PTCHD4: variants seen among roughly 807,000 people sequenced by gnomAD.
PTCHD4 encodes patched domain containing 4, also known as patched domain-containing protein 4.
A neutral mutation model predicts 58.1 loss-of-function variants in PTCHD4; 33 were observed. The ratio of observed to expected loss-of-function variants is 0.57; its 90% confidence interval spans 0.43 to 0.76. PTCHD4 has a LOEUF of 0.76. Among genes scored for constraint, PTCHD4 ranks in the 30% least tolerant of loss-of-function variants. The pLI, the probability that PTCHD4 is intolerant of heterozygous loss-of-function variation, is 0.00. For synonymous variants in PTCHD4, 478 were observed against 409.6 expected, an observed-to-expected ratio of 1.17 and a Z score of -2.02; for missense variants, 1,058 against 1,027.1, an observed-to-expected ratio of 1.03 and a Z score of -0.41.
At chr6:47,982,734 G>A (rs565221332) in intron 4 of PTCHD4, among the ~76,000 whole-genome samples, 1 of 152,112 alleles carries the variant, frequency 6.6e-6, no homozygotes, top group East Asian at 1.9e-4. Flanking sequence ...TGATCCGCCC[G>A]TCTCGGCCTC....
At chr6:48,086,822 A>G (rs1015535980) in intron 1 of PTCHD4, among the ~76,000 whole-genome samples, 2 of 152,190 alleles carry the variant, frequency 1.3e-5, no homozygotes, top group African/African-American at 4.8e-5. Flanking sequence ...TTGAGGCTCT[A>G]TGGTTGCTAT....
chr6:48,012,540 C>G (rs1047686629), intron 3 of PTCHD4, among the ~76,000 whole-genome samples: 1 of 152,196 alleles, frequency 6.6e-6, no homozygotes, highest in African/African-American at 2.4e-5. Context: ...TTGACTTCCT[C>G]TCTTCCTATT....
rs545833104 is a variant in PTCHD4, at chr6:47,863,570, G to A, written c.*14733C>T. Among the ~76,000 whole-genome samples the A allele has an allele frequency of 6.6e-6, 1 of 152,010 alleles. No homozygotes were observed. Among genetic ancestry groups the A allele is most frequent in the East Asian group, 1.9e-4 (1 of 5,150 alleles). On this transcript the variant is annotated 3_prime_UTR_variant, in exon 5 of 5. Transcript: ENST00000339488. ...CAGAGAAACAAGTATTTTTAGTATA[G>A]TAGATTCCAAATATTGCATGAAACA...
At chr6:48,054,792 A>AT (rs1336186076) in intron 3 of PTCHD4, among the ~76,000 whole-genome samples, 1 of 152,158 alleles carries the variant, frequency 6.6e-6, no homozygotes, top group Admixed American at 6.5e-5. Context: ...GCTGGAAATA[A>AT]TTTTTTTATA....
intron 3 of PTCHD4, among the ~76,000 whole-genome samples, chr6:48,024,372 G>C (rs140127289): frequency 2.3e-3 from 345 of 152,176 alleles, no homozygotes; most frequent in African/African-American, 7.8e-3. Context: ...TTCCAGTCCA[G>C]GAGGTTCCAC....
chr6:48,084,735 CTTTTTT>C (rs537327491), intron 1 of PTCHD4, among the ~76,000 whole-genome samples: 1 of 137,926 alleles, frequency 7.3e-6, no homozygotes, highest in Non-Finnish European at 1.6e-5. Context: ...TTCTTTCTTT[CTTTTTT>C]TTTTTTTTTT....
rs150373074 is a variant in PTCHD4, at chr6:48,065,412, G to A, written c.417+2818C>T. 7.2e-5 allele frequency among the ~76,000 whole-genome samples: 11 copies of A among 152,098 alleles called. No individual in the cohort carries two copies. In the East Asian group the frequency reaches 2.1e-3, roughly 29 times the overall value. On this transcript the variant is annotated intron_variant, in intron 3 of 4. Transcript: ENST00000339488. Reference sequence around the variant, plus strand: ...CAGGAGAAAGCAAAATGAATTTGAGGGCTAAAAAAATACATATAAAAATTT... The same window carrying A: ...CAGGAGAAAGCAAAATGAATTTGAGAGCTAAAAAAATACATATAAAAATTT...
At position 48,106,119 on chromosome 6, in the gene PTCHD4, G is replaced by C. The variant is rs568068710; in HGVS notation, c.-970+4930C>G. ...CATTTTATGAGGCCAGCATCATCCT[G>C]ATACCAAAGCCGGGCAGAGACGCAA... On this transcript the variant is annotated intron_variant, in intron 1 of 4. Transcript: ENST00000339488. Among the ~76,000 whole-genome samples the C allele has an allele frequency of 1.3e-5, 2 of 152,282 alleles. 1 individual carries two copies. The highest frequency in any genetic ancestry group is 4.2e-4 in the South Asian group (2 of 4,818).
At chr6:48,110,775 T>TA (rs1370812033) in intron 1 of PTCHD4, among the ~76,000 whole-genome samples, 2 of 142,100 alleles carry the variant, frequency 1.4e-5, no homozygotes, top group Non-Finnish European at 3.1e-5. Flanking sequence ...ATCTTTTCTA[T>TA]TTTATATATA....
chr6:47,883,898 C>T (rs1471015694), intron 4 of PTCHD4, among the ~76,000 whole-genome samples: 1 of 152,158 alleles, frequency 6.6e-6, no homozygotes, highest in Admixed American at 6.6e-5. Flanking sequence ...AATATACTCA[C>T]TCATACACAC....
intron 1 of PTCHD4, among the ~76,000 whole-genome samples, chr6:48,087,116 C>T (rs1415265224): frequency 1.3e-5 from 2 of 152,172 alleles, no homozygotes; most frequent in Non-Finnish European, 2.9e-5. Flanking sequence ...TTTTCTATGC[C>T]TATGTCTTTG....
chr6:47,859,132 C>A lies in PTCHD4; in HGVS notation c.*19171G>T, dbSNP rs1251838588. 1.3e-5 allele frequency among the ~76,000 whole-genome samples: 2 copies of A among 152,050 alleles called. No homozygotes were observed. Among genetic ancestry groups the A allele is most frequent in the Non-Finnish European group, 2.9e-5 (2 of 67,958 alleles). On this transcript the variant is annotated 3_prime_UTR_variant, in exon 5 of 5. Coordinates refer to ENST00000339488, the MANE Select transcript of PTCHD4 (RefSeq NM_001384253.1). Reference sequence around the variant, plus strand: ...TTGTGTATTTGTGTGCATACTCTTACAATTCCAGCTGAAAATGGCTTGGGG... The same window carrying A: ...TTGTGTATTTGTGTGCATACTCTTAAAATTCCAGCTGAAAATGGCTTGGGG...
intron 3 of PTCHD4, among the ~76,000 whole-genome samples, chr6:48,027,148 A>T (rs1763277525): frequency 6.6e-6 from 1 of 152,142 alleles, no homozygotes; most frequent in South Asian, 2.1e-4. Flanking sequence ...TTTTTCTTCT[A>T]CATCCAGATA....
chr6:47,897,940 C>CTTTCT (rs1391426036), intron 4 of PTCHD4, among the ~76,000 whole-genome samples: 20 of 76,368 alleles, frequency 2.6e-4, no homozygotes, highest in African/African-American at 9.7e-4. Flanking sequence ...TTCTTTCTTT[C>CTTTCT]TTTTTTTTTT....
chr6:48,080,534 C>T (rs1765145806), intron 1 of PTCHD4, among the ~76,000 whole-genome samples: 1 of 152,180 alleles, frequency 6.6e-6, no homozygotes, highest in Non-Finnish European at 1.5e-5. Context: ...CTACTTCCTA[C>T]ATAGACTGTA....
intron 3 of PTCHD4, among the ~76,000 whole-genome samples, chr6:48,023,843 G>C (rs1053826476): frequency 6.6e-6 from 1 of 152,138 alleles, no homozygotes; most frequent in Non-Finnish European, 1.5e-5. Flanking sequence ...TCTCTTTCAA[G>C]GTCTTCAGAG....
rs544565473 is a variant in PTCHD4 at position 47,877,488 on chromosome 6, C to A, written c.*815G>T. On this transcript the variant is annotated 3_prime_UTR_variant, in exon 5 of 5. Coordinates refer to ENST00000339488, the MANE Select transcript of PTCHD4 (RefSeq NM_001384253.1). ...GTCCATGTGGTAATTAATTCAAATG[C>A]CTTTTGTGTTTTCTTGTGAAGTCAT... 8.5e-5 allele frequency among the ~76,000 whole-genome samples: 13 copies of A among 152,104 alleles called. No individual in the cohort carries two copies. The South Asian group carries it at 2.3e-3, about 27-fold the overall frequency.
At chr6:47,978,153 T>G (rs565767948) in intron 4 of PTCHD4, among the ~76,000 whole-genome samples, 3 of 152,306 alleles carry the variant, frequency 2.0e-5, no homozygotes, top group African/African-American at 7.2e-5. Context: ...CTTCTTCCTC[T>G]TCCTCCTTCT....
At chr6:47,987,419 TAA>T (rs748765717) in intron 4 of PTCHD4, among the ~76,000 whole-genome samples, 1 of 138,998 alleles carries the variant, frequency 7.2e-6, no homozygotes, top group African/African-American at 2.6e-5. Context: ...AAAAAAAGAT[TAA>T]AAAAAAAAAA....
Sources: allele counts gnomAD v4.1 joint callset (sites outside exome capture counted in the v4.1 genomes callset), GRCh38; gene constraint gnomAD v4.1.1; transcripts MANE v1.5; gene names NCBI Gene and HGNC (gene_info 2026-07-23, HGNC 2026-07-21).